The following CUBN variants were observed in gnomAD, a reference collection of about 807,000 sequenced individuals.
The protein encoded by CUBN is 460 kDa receptor.
Under a neutral mutation model 405.3 loss-of-function variants are expected in CUBN, and 282 were observed. The ratio of observed to expected loss-of-function variants is 0.70; its 90% CI spans 0.63 to 0.77. The LOEUF is 0.77. Ranked by LOEUF, CUBN falls within the 30% of genes least tolerant of loss-of-function variation. CUBN has a pLI of 0.00. For missense variants in CUBN, 4,514 were observed against 4,475.2 expected (o/e 1.01, Z -0.25); for synonymous variants, 1,684 against 1,617.0 (o/e 1.04, Z -0.99).
chr10:17,129,592 G>A, intron 1 of CUBN, 52 bp downstream of exon 1: 1 of 1,611,926 alleles, frequency 6.2e-7, no homozygotes, highest in Non-Finnish European at 8.5e-7. Flanking sequence ...TGGGAAAACT[G>A]GTGAGGAATT....
At chr10:17,023,194 T>TGGGTGG in intron 27 of CUBN, among the ~76,000 whole-genome samples, 1 of 120,516 alleles carries the variant, frequency 8.3e-6, no homozygotes, top group African/African-American at 3.0e-5. Context: ...GTAAAAGTAC[T>TGGGTGG]GGGTGGGGGT....
chr10:16,831,542 T>C (rs942265848), intron 64 of CUBN, 125 bp from the exon 65 acceptor site: 3 of 878,148 alleles, frequency 3.4e-6, no homozygotes, highest in African/African-American at 1.7e-5. Context: ...CAGTTAAGAA[T>C]GAAGCGTTTT....
At chr10:17,013,100 T>A (rs56397832) in intron 28 of CUBN, among the ~76,000 whole-genome samples, 6 of 152,030 alleles carry the variant, frequency 3.9e-5, no homozygotes, top group African/African-American at 1.4e-4. Flanking sequence ...TTATCTATTA[T>A]AGGTTTTAAA....
chr10:16,839,319 G>A (rs2131317259), intron 62 of CUBN, among the ~76,000 whole-genome samples: 1 of 152,192 alleles, frequency 6.6e-6, no homozygotes, highest in South Asian at 2.1e-4. Flanking sequence ...AGGGCTTTGT[G>A]TATGGATGAA....
intron 6 of CUBN, among the ~76,000 whole-genome samples, chr10:17,117,658 G>A (rs891611813): frequency 1.3e-5 from 2 of 152,086 alleles, no homozygotes; most frequent in African/African-American, 4.8e-5. Flanking sequence ...TCGAACTCTT[G>A]ACCTCAGGTG....
rs1429065395 is a variant in CUBN, at chr10:17,047,546, T to C, written c.3197A>G (p.Asn1066Ser). 5.0e-6 allele frequency: 8 copies of C among 1,614,018 alleles called. No individual in the cohort carries two copies. The highest frequency in any genetic ancestry group is 1.7e-5 in the Admixed American group (1 of 60,002). The change falls in exon 23 of 67, where the codon AAT becomes AGT. Residue 1066 changes from asparagine to serine, a missense_variant. By Grantham distance (46) the Asn-to-Ser change is conservative (BLOSUM62 1). Coordinates refer to ENST00000377833, the MANE Select transcript of CUBN (RefSeq NM_001081.4). ...GCATTCCCAGTTGTTGGGATAATTA[T>C]TGGGGAAGTTTGGAGAAGTGAATGT... ...LGTFTSPNFP[N>S]NYPNNWECIY...
chr10:17,002,016 G>T (rs753289710), intron 28 of CUBN, among the ~76,000 whole-genome samples: 3 of 152,130 alleles, frequency 2.0e-5, no homozygotes, highest in Non-Finnish European at 4.4e-5. Flanking sequence ...CTGCCACCTG[G>T]CACTGCTTCC....
At chr10:16,931,234 G>A (rs1420725000) in intron 40 of CUBN, among the ~76,000 whole-genome samples, 7 of 151,454 alleles carry the variant, frequency 4.6e-5, no homozygotes, top group South Asian at 4.2e-4. Context: ...ACTGCAGTCC[G>A]GCCTGGACAA....
intron 14 of CUBN, among the ~76,000 whole-genome samples, chr10:17,094,096 G>T (rs1163842218): frequency 6.6e-6 from 1 of 151,898 alleles, no homozygotes; most frequent in Non-Finnish European, 1.5e-5. Flanking sequence ...CAAACACAGA[G>T]AAAACCAGAT....
At chr10:17,029,729 C>T (rs927362175) in intron 27 of CUBN, among the ~76,000 whole-genome samples, 3 of 152,196 alleles carry the variant, frequency 2.0e-5, no homozygotes, top group Admixed American at 6.5e-5. Flanking sequence ...GAAGCGTTGG[C>T]GGTGGAGCCA....
intron 40 of CUBN, among the ~76,000 whole-genome samples, chr10:16,932,373 G>A (rs551808223): frequency 5.3e-5 from 8 of 152,256 alleles, no homozygotes; most frequent in African/African-American, 1.9e-4. Flanking sequence ...GGAGGATGTG[G>A]CCTTTCTGCT....
intron 29 of CUBN, among the ~76,000 whole-genome samples, chr10:16,986,391 G>A (rs942987468): frequency 3.3e-5 from 5 of 152,130 alleles, no homozygotes; most frequent in African/African-American, 9.7e-5. Flanking sequence ...TCTGGGGAGA[G>A]GGAGTGAGAA....
intron 34 of CUBN, among the ~76,000 whole-genome samples, chr10:16,949,637 A>G (rs1011084805): frequency 1.3e-5 from 2 of 152,126 alleles, no homozygotes; most frequent in Non-Finnish European, 2.9e-5. Flanking sequence ...ACAAGGCTGA[A>G]AGAAACATAC....
intron 17 of CUBN, among the ~76,000 whole-genome samples, chr10:17,079,290 T>C (rs1410434785): frequency 2.7e-5 from 4 of 148,448 alleles, no homozygotes; most frequent in Admixed American, 2.1e-4. Flanking sequence ...AGCTGGAGTA[T>C]AGTGGCGTGA....
At chr10:16,867,431 G>A (rs1840219932) in intron 59 of CUBN, among the ~76,000 whole-genome samples, 1 of 152,154 alleles carries the variant, frequency 6.6e-6, no homozygotes, top group East Asian at 1.9e-4. Flanking sequence ...AAATTTGAAA[G>A]TTATGCAGAA....
chr10:17,022,333 TAA>T (rs1419346773), intron 27 of CUBN, among the ~76,000 whole-genome samples: 9 of 152,192 alleles, frequency 5.9e-5, no homozygotes, highest in Non-Finnish European at 1.5e-5. Context: ...CCCAAAGCAC[TAA>T]ACCTAAGCAT....
Position 16,824,959 on chromosome 10 carries a change from A to C in CUBN, c.*16T>G, listed in dbSNP as rs1346370425. On this transcript the variant is annotated 3_prime_UTR_variant, in exon 67 of 67. Coordinates refer to ENST00000377833, the MANE Select transcript of CUBN (RefSeq NM_001081.4). ...TGCAGAGGGAAAGTGCTGAGTGAAC[A>C]CGAGTTGTTACCCACTTAGCTGTCC... 4 of 1,586,240 alleles carry C rather than the reference A, an allele frequency of 2.5e-6. No individual in the cohort carries two copies. Among genetic ancestry groups the C allele is most frequent in the South Asian group, 1.1e-5 (1 of 90,448 alleles).
intron 60 of CUBN, among the ~76,000 whole-genome samples, chr10:16,848,542 T>C (rs1049753190): frequency 6.6e-6 from 1 of 152,062 alleles, no homozygotes; most frequent in Admixed American, 6.5e-5. Flanking sequence ...TCGGGGAGAT[T>C]AGGAAATTTG....
At chr10:17,033,883 T>C (rs1834834607) in intron 27 of CUBN, among the ~76,000 whole-genome samples, 1 of 152,150 alleles carries the variant, frequency 6.6e-6, no homozygotes, top group Non-Finnish European at 1.5e-5. Context: ...TTCTCAGTCG[T>C]GGTATATGGA....
Sources: gnomAD v4.1 joint callset for allele counts (sites outside exome capture counted in the v4.1 genomes callset) on GRCh38, gnomAD v4.1.1 for gene constraint, MANE v1.5 for transcripts, NCBI Gene and HGNC (gene_info 2026-07-23, HGNC 2026-07-21) for gene names.